MEIS1: variants seen among roughly 807,000 people sequenced by gnomAD.
MEIS1 encodes the protein homeobox protein Meis1.
In MEIS1, 5 loss-of-function variants were observed where a neutral mutation model predicts 50.8. The observed-to-expected ratio is 0.10, with a 90% CI of 0.05 to 0.21. The LOEUF is 0.21. Among genes scored for constraint, MEIS1 ranks in the 10% least tolerant of loss-of-function variants. MEIS1 has a pLI of 1.00. For synonymous variants in MEIS1, 176 were observed against 179.3 expected (o/e 0.98, Z 0.15); for missense variants, 318 against 517.3 (o/e 0.61, Z 3.74).
At chr2:66,461,833 A>G (rs561367024) in intron 6 of MEIS1, 1 of 469,618 alleles carries the variant, frequency 2.1e-6, no homozygotes, top group South Asian at 1.6e-5. Flanking sequence ...CCAGCAAGGA[A>G]AATCTTTTCA....
rs558398129 is a variant in MEIS1, at chr2:66,500,553, T to C, written c.743-11596T>C. 3.3e-5 allele frequency among the ~76,000 whole-genome samples: 5 copies of C among 152,108 alleles called. No individual in the cohort carries two copies. In the East Asian group the frequency reaches 9.7e-4, roughly 29 times the overall value. ...GATTCTCCTGCCTCAGCCTCCCGAGTAGCTGGGATTACAGGCATGCATCAC... is the reference window on the plus strand; with the variant it reads ...GATTCTCCTGCCTCAGCCTCCCGAGCAGCTGGGATTACAGGCATGCATCAC... On this transcript the variant is annotated intron_variant, in intron 7 of 12. Transcript: ENST00000272369.
intron 9 of MEIS1, among the ~76,000 whole-genome samples, chr2:66,559,716 C>T (rs916301032): frequency 3.3e-5 from 5 of 152,036 alleles, no homozygotes; most frequent in African/African-American, 1.2e-4. Context: ...ATATTCTAAA[C>T]CACTATTTTT....
chr2:66,445,023 C>A (rs1281671182), intron 6 of MEIS1, among the ~76,000 whole-genome samples: 1 of 152,156 alleles, frequency 6.6e-6, no homozygotes, highest in Admixed American at 6.5e-5. Flanking sequence ...AATATAATAT[C>A]ATGGAGCTCC....
chr2:66,529,114 G>A (rs1256572798), intron 8 of MEIS1, among the ~76,000 whole-genome samples: 1 of 152,032 alleles, frequency 6.6e-6, no homozygotes, highest in Non-Finnish European at 1.5e-5. Flanking sequence ...GCCATTTGTT[G>A]TTTTCCCCAG....
intron 7 of MEIS1, among the ~76,000 whole-genome samples, chr2:66,475,277 T>C (rs949633454): frequency 6.8e-6 from 1 of 146,610 alleles, no homozygotes; most frequent in South Asian, 2.1e-4. Context: ...TAATATATTA[T>C]ATATAAAAAT....
chr2:66,471,542 A>C (rs1416848049), intron 7 of MEIS1, among the ~76,000 whole-genome samples: 2 of 152,230 alleles, frequency 1.3e-5, no homozygotes, highest in Non-Finnish European at 2.9e-5. Context: ...TAGCACATCT[A>C]AAATTATACA....
chr2:66,531,775 C>G (rs900863857), intron 8 of MEIS1, among the ~76,000 whole-genome samples: 1 of 152,184 alleles, frequency 6.6e-6, no homozygotes, highest in African/African-American at 2.4e-5. Flanking sequence ...GGATGAGACC[C>G]CAGGCCTGAC....
chr2:66,509,936 A>G (rs1413938601), intron 7 of MEIS1, among the ~76,000 whole-genome samples: 2 of 152,216 alleles, frequency 1.3e-5, no homozygotes, highest in Admixed American at 6.5e-5. Context: ...ATTGCTTGCT[A>G]AATTAATCTG....
rs768758663 is a variant in MEIS1, at chr2:66,567,608, G to A, written c.1024+97G>A. 1.2e-5 allele frequency: 13 copies of A among 1,091,088 alleles called. No individual in the cohort carries two copies. The South Asian group carries it at 1.6e-4, about 13-fold the overall frequency. The allele number at this position is 1,091,088 out of a possible 1,614,324, so 67.6% of individuals were successfully genotyped here. ...CCGCTACCTGGTAAATAAACTGGGA[G>A]TGAGTATAGGAACGCCTGGCAATTA... On this transcript the variant is annotated intron_variant, in intron 10 of 12. Coordinates refer to ENST00000272369, the MANE Select transcript of MEIS1 (RefSeq NM_002398.3).
chr2:66,437,671 C>A (rs747836634), intron 1 of MEIS1, 66 bp from the exon 2 acceptor site: 24 of 1,447,904 alleles, frequency 1.7e-5, no homozygotes, highest in African/African-American at 8.4e-5. Flanking sequence ...AAGCTCGGTG[C>A]CTTGCCGTTC....
chr2:66,561,610 T>C (rs1221506524), intron 9 of MEIS1, among the ~76,000 whole-genome samples: 1 of 152,244 alleles, frequency 6.6e-6, no homozygotes, highest in Admixed American at 6.5e-5. Context: ...TAAAAGATTA[T>C]TATAATCAGC....
chr2:66,437,713 C>T (rs761834655), intron 1 of MEIS1, 24 bp from the exon 2 acceptor site: 1 of 1,611,536 alleles, frequency 6.2e-7, no homozygotes, highest in African/African-American at 1.3e-5. Flanking sequence ...CCTGAACCTT[C>T]TTTCTCTCCT....
At chr2:66,558,022 G>C (rs1675111336) in intron 9 of MEIS1, among the ~76,000 whole-genome samples, 2 of 152,284 alleles carry the variant, frequency 1.3e-5, no homozygotes, top group East Asian at 3.9e-4. Flanking sequence ...GCTCACGCCT[G>C]TAATCCCAGC....
At chr2:66,487,158 T>C (rs1010043734) in intron 7 of MEIS1, among the ~76,000 whole-genome samples, 2 of 152,354 alleles carry the variant, frequency 1.3e-5, no homozygotes, top group Admixed American at 6.5e-5. Flanking sequence ...AGAGAGGGCA[T>C]CCTTGAAAAA....
At chr2:66,451,079 A>G (rs1320527491) in intron 6 of MEIS1, among the ~76,000 whole-genome samples, 1 of 151,216 alleles carries the variant, frequency 6.6e-6, no homozygotes, top group Admixed American at 6.6e-5. Flanking sequence ...CAAAACAGGA[A>G]TGAATAGAGG....
At chr2:66,444,184 C>G (rs1425587823) in intron 6 of MEIS1, among the ~76,000 whole-genome samples, 1 of 152,132 alleles carries the variant, frequency 6.6e-6, no homozygotes, top group Non-Finnish European at 1.5e-5. Flanking sequence ...ACCCTTCCCC[C>G]CTATATAAGT....
chr2:66,445,595 G>C (rs60307853), intron 6 of MEIS1, among the ~76,000 whole-genome samples: 2 of 152,320 alleles, frequency 1.3e-5, no homozygotes, highest in African/African-American at 2.4e-5. Context: ...TTCTCGTGCT[G>C]TGAGAACGCT....
At chr2:66,441,028 T>A in intron 4 of MEIS1, 1 of 320,152 alleles carries the variant, frequency 3.1e-6, no homozygotes, top group Non-Finnish European at 5.6e-6. Flanking sequence ...CAGCAGAAAC[T>A]TTGCAATGGG....
intron 6 of MEIS1, among the ~76,000 whole-genome samples, chr2:66,450,659 T>A (rs1302177041): frequency 2.0e-5 from 3 of 152,162 alleles, no homozygotes; most frequent in Admixed American, 2.0e-4. Flanking sequence ...TTATTTTAAC[T>A]CATTTAGAAG....
Sources: allele counts gnomAD v4.1 joint callset (sites outside exome capture counted in the v4.1 genomes callset), GRCh38; gene constraint gnomAD v4.1.1; transcripts MANE v1.5; gene names NCBI Gene and HGNC (gene_info 2026-07-23, HGNC 2026-07-21).